GALNT13: variants seen among roughly 807,000 people sequenced by gnomAD.
GALNT13 encodes UDP-GalNAc:polypeptide N-acetylgalactosaminyltransferase 13.
GALNT13 carries 28 observed loss-of-function variants against 64.2 expected under a neutral mutation model. That is an observed-to-expected ratio of 0.44 (90% CI 0.32 to 0.60). The LOEUF is 0.60. Among genes scored for constraint, GALNT13 ranks in the 20% least tolerant of loss-of-function variants. The pLI, the probability that GALNT13 is intolerant of heterozygous loss-of-function variation, is 0.05. For missense variants in GALNT13, 577 were observed against 669.8 expected (o/e 0.86, Z 1.53); for synonymous variants, 214 against 224.6 (o/e 0.95, Z 0.42).
At chr2:154,120,897 C>T (rs114376501) in intron 3 of GALNT13, among the ~76,000 whole-genome samples, 2,291 of 152,196 alleles carry the variant, frequency 0.015, 30 homozygotes, top group African/African-American at 0.023. Flanking sequence ...CCTGCACTTC[C>T]TTCCTTTGTT....
the GALNT13 span, among the ~76,000 whole-genome samples, chr2:153,225,023 T>G: frequency 6.6e-6 from 1 of 152,092 alleles, no homozygotes; most frequent in Non-Finnish European, 1.5e-5. Flanking sequence ...GATAAAAATA[T>G]TACAAGAGAG....
intron 4 of GALNT13, among the ~76,000 whole-genome samples, chr2:154,233,351 G>A (rs1013405957): frequency 7.9e-5 from 12 of 152,124 alleles, no homozygotes; most frequent in Non-Finnish European, 1.8e-4. Context: ...CGAAGTTCTG[G>A]AGGTTAATTG....
chr2:153,441,482 A>G, the GALNT13 span, among the ~76,000 whole-genome samples: 1 of 152,228 alleles, frequency 6.6e-6, no homozygotes, highest in Non-Finnish European at 1.5e-5. Context: ...TAATTCAGTG[A>G]GGAAAGTCAA....
the GALNT13 span, among the ~76,000 whole-genome samples, chr2:153,174,083 C>G: frequency 2.0e-5 from 3 of 152,202 alleles, no homozygotes; most frequent in Non-Finnish European, 4.4e-5. Context: ...GTGGCTCCAC[C>G]TGTCTTGACC....
chr2:153,741,814 A>G, the GALNT13 span, among the ~76,000 whole-genome samples: 1 of 152,100 alleles, frequency 6.6e-6, no homozygotes, highest in Non-Finnish European at 1.5e-5. Flanking sequence ...TTCAAACTTC[A>G]TCTCTTTTAA....
chr2:154,425,193 A>G (rs707059), intron 11 of GALNT13, among the ~76,000 whole-genome samples: 38,733 of 152,050 alleles, frequency 0.25, 5,125 homozygotes, highest in Middle Eastern at 0.36. Flanking sequence ...TATATACCAG[A>G]GTTTTAGGAA....
At chr2:153,891,696 A>G (rs1446238307) in intron 1 of GALNT13, among the ~76,000 whole-genome samples, 3 of 152,020 alleles carry the variant, frequency 2.0e-5, no homozygotes, top group East Asian at 3.9e-4. Context: ...TTTGTTAAAT[A>G]CTCTACATTG....
At chr2:153,619,888 G>C in the GALNT13 span, among the ~76,000 whole-genome samples, 5 of 151,866 alleles carry the variant, frequency 3.3e-5, no homozygotes, top group African/African-American at 9.7e-5. Flanking sequence ...AAAAATAGTT[G>C]ATCTTTGGGA....
intron 4 of GALNT13, among the ~76,000 whole-genome samples, chr2:154,145,801 G>C (rs911165818): frequency 4.0e-5 from 6 of 151,836 alleles, no homozygotes; most frequent in Admixed American, 1.3e-4. Context: ...TATTTTTTCT[G>C]TGCTCAATCT....
At chr2:153,106,413 C>G in the GALNT13 span, among the ~76,000 whole-genome samples, 1 of 152,076 alleles carries the variant, frequency 6.6e-6, no homozygotes, top group South Asian at 2.1e-4. Flanking sequence ...GAATCTGAGT[C>G]AGATATGAGT....
At chr2:154,254,911 C>T (rs776388690) in intron 7 of GALNT13, among the ~76,000 whole-genome samples, 4 of 151,932 alleles carry the variant, frequency 2.6e-5, no homozygotes, top group Non-Finnish European at 4.4e-5. Context: ...GAAAAGTGCC[C>T]CTGAGAGACC....
At chr2:153,478,755 G>A in the GALNT13 span, 4 of 596,476 alleles carry the variant, frequency 6.7e-6, no homozygotes, top group African/African-American at 2.0e-5. Context: ...CAGCAGCTAG[G>A]CTCTTCTAAA....
At chr2:153,731,078 G>A in the GALNT13 span, among the ~76,000 whole-genome samples, 1 of 151,696 alleles carries the variant, frequency 6.6e-6, no homozygotes. Context: ...ATATATGTGT[G>A]TGTGTGTGTC....
intron 9 of GALNT13, among the ~76,000 whole-genome samples, chr2:154,380,591 C>A (rs187583779): frequency 2.0e-5 from 3 of 151,982 alleles, no homozygotes; most frequent in Non-Finnish European, 4.4e-5. Context: ...GGACTTAATG[C>A]TATCAGCATC....
intron 9 of GALNT13, among the ~76,000 whole-genome samples, chr2:154,302,278 A>C (rs1176124025): frequency 2.0e-5 from 3 of 152,148 alleles, no homozygotes; most frequent in East Asian, 1.9e-4. Context: ...CAATAGCTAC[A>C]TTACTTAAAA....
the GALNT13 span, among the ~76,000 whole-genome samples, chr2:153,380,937 C>T: frequency 6.6e-6 from 1 of 151,802 alleles, no homozygotes; most frequent in East Asian, 1.9e-4. Flanking sequence ...TTTCCTGTTT[C>T]ATTTTGTTTT....
At chr2:153,904,638 G>A (rs1688439750) in intron 2 of GALNT13, among the ~76,000 whole-genome samples, 2 of 151,610 alleles carry the variant, frequency 1.3e-5, no homozygotes, top group South Asian at 4.2e-4. Flanking sequence ...TTTCTATTGT[G>A]TTGATTTTTA....
At chr2:154,150,411 C>G (rs1047634846) in intron 4 of GALNT13, among the ~76,000 whole-genome samples, 4 of 152,132 alleles carry the variant, frequency 2.6e-5, no homozygotes, top group South Asian at 2.1e-4. Flanking sequence ...TGTCTCTGCC[C>G]GGCTTTGGTT....
the GALNT13 span, among the ~76,000 whole-genome samples, chr2:153,456,230 T>C: frequency 6.6e-6 from 1 of 152,190 alleles, no homozygotes; most frequent in Non-Finnish European, 1.5e-5. Context: ...AGGGTGGAGT[T>C]TCTCCAGGGA....
Sources: allele counts gnomAD v4.1 joint callset (sites outside exome capture counted in the v4.1 genomes callset), GRCh38; gene constraint gnomAD v4.1.1; transcripts MANE v1.5; gene names NCBI Gene and HGNC (gene_info 2026-07-23, HGNC 2026-07-21).